The following TAFA2 variants were observed in gnomAD, a reference collection of about 807,000 sequenced individuals.
TAFA2 encodes the protein TAFA chemokine like family member 2.
TAFA2 carries 7 observed loss-of-function variants against 18.8 expected under a neutral mutation model. The ratio of observed to expected loss-of-function variants is 0.37; its 90% confidence interval spans 0.21 to 0.70. The LOEUF (loss-of-function observed/expected upper bound fraction) is 0.70, where lower values mean the gene tolerates loss of function less well. Ranked by LOEUF, TAFA2 falls within the 30% of genes least tolerant of loss-of-function variation. TAFA2 has a pLI of 0.53. For missense variants in TAFA2, 122 were observed against 158.1 expected, an observed-to-expected ratio of 0.77 and a Z score of 1.23; for synonymous variants, 60 against 54.2, an observed-to-expected ratio of 1.11 and a Z score of -0.47.
At chr12:62,185,495 GTCTGATAGCCATT>G (rs958658575) in intron 1 of TAFA2, among the ~76,000 whole-genome samples, 1 of 152,164 alleles carries the variant, frequency 6.6e-6, no homozygotes, top group Non-Finnish European at 1.5e-5. Context: ...CTACTGACTT[GTCTGATAGCCATT>G]TCTGAGAAAT....
intron 1 of TAFA2, among the ~76,000 whole-genome samples, chr12:62,148,054 CA>C (rs59238199): frequency 6.6e-6 from 1 of 151,370 alleles, no homozygotes. Context: ...ACTAAAAAGT[CA>C]AAAAAAAGCA....
At chr12:61,726,807 C>G (rs1870189949) in intron 4 of TAFA2, among the ~76,000 whole-genome samples, 1 of 151,970 alleles carries the variant, frequency 6.6e-6, no homozygotes, top group South Asian at 2.1e-4. Context: ...TGTTCCAGTT[C>G]TCAGGGGGAA....
intron 4 of TAFA2, among the ~76,000 whole-genome samples, chr12:61,726,835 C>G (rs1280353079): frequency 6.6e-6 from 1 of 152,038 alleles, no homozygotes; most frequent in Non-Finnish European, 1.5e-5. Context: ...TTCAACTCCT[C>G]CCTGTTCAGT....
intron 1 of TAFA2, among the ~76,000 whole-genome samples, chr12:61,965,734 A>C (rs1879044939): frequency 6.6e-6 from 1 of 151,948 alleles, no homozygotes; most frequent in Non-Finnish European, 1.5e-5. Context: ...CTGCTACTTG[A>C]CTAGTCATAA....
At chr12:61,849,084 T>C (rs1873531080) in intron 2 of TAFA2, among the ~76,000 whole-genome samples, 2 of 152,166 alleles carry the variant, frequency 1.3e-5, no homozygotes, top group South Asian at 4.1e-4. Flanking sequence ...CCTCAGGCGA[T>C]CCACCCTCCT....
intron 1 of TAFA2, among the ~76,000 whole-genome samples, chr12:62,106,860 G>C (rs532482047): frequency 7.6e-6 from 1 of 131,066 alleles, no homozygotes; most frequent in Admixed American, 8.5e-5. Flanking sequence ...GCAATAGAGC[G>C]TTCTGTTTTC....
chr12:61,897,813 CTTCCCAACAGT>C (rs1875918713), intron 1 of TAFA2, among the ~76,000 whole-genome samples: 1 of 152,176 alleles, frequency 6.6e-6, no homozygotes, highest in Non-Finnish European at 1.5e-5. Context: ...CCTATCATGC[CTTCCCAACAGT>C]TTCCCAGAGT....
At chr12:62,138,525 T>C (rs1028925041) in intron 1 of TAFA2, among the ~76,000 whole-genome samples, 1 of 152,228 alleles carries the variant, frequency 6.6e-6, no homozygotes, top group Non-Finnish European at 1.5e-5. Context: ...ACACAGTATG[T>C]GCACAATTAA....
intron 2 of TAFA2, among the ~76,000 whole-genome samples, chr12:61,825,224 G>T (rs1160310350): frequency 6.6e-6 from 1 of 152,110 alleles, no homozygotes; most frequent in Non-Finnish European, 1.5e-5. Context: ...AACTAGGCTG[G>T]AATGGAAAGG....
intron 1 of TAFA2, among the ~76,000 whole-genome samples, chr12:62,090,174 G>A (rs1051504619): frequency 2.0e-5 from 3 of 151,980 alleles, no homozygotes; most frequent in Admixed American, 6.6e-5. Context: ...ATTTCAACAT[G>A]ATTTTAAAGT....
intron 1 of TAFA2, among the ~76,000 whole-genome samples, chr12:62,226,435 G>A (rs758470911): frequency 6.6e-6 from 1 of 152,062 alleles, no homozygotes; most frequent in Non-Finnish European, 1.5e-5. Flanking sequence ...CTGACCTCAC[G>A]ATCCACCCTC....
intron 1 of TAFA2, among the ~76,000 whole-genome samples, chr12:61,906,562 T>G (rs574612821): frequency 2.3e-4 from 35 of 152,280 alleles, no homozygotes; most frequent in African/African-American, 8.2e-4. Flanking sequence ...AACAGACTAA[T>G]ACAGTAAATT....
intron 1 of TAFA2, among the ~76,000 whole-genome samples, chr12:61,953,378 C>A (rs1489239668): frequency 9.2e-5 from 14 of 152,048 alleles, no homozygotes; most frequent in Admixed American, 9.2e-4. Flanking sequence ...CAAGTAAATA[C>A]CAACTTCCAA....
intron 1 of TAFA2, among the ~76,000 whole-genome samples, chr12:62,089,041 CT>C (rs1868594503): frequency 1.3e-5 from 2 of 152,104 alleles, no homozygotes; most frequent in African/African-American, 4.8e-5. Flanking sequence ...AAAAAATCCT[CT>C]GAAGTTTGCT....
At chr12:62,094,697 T>C (rs1868869449) in intron 1 of TAFA2, among the ~76,000 whole-genome samples, 1 of 151,990 alleles carries the variant, frequency 6.6e-6, no homozygotes, top group African/African-American at 2.4e-5. Flanking sequence ...ATTCATTCCA[T>C]CTTTATAAGA....
intron 4 of TAFA2, among the ~76,000 whole-genome samples, chr12:61,749,139 G>T (rs576661365): frequency 6.6e-6 from 1 of 151,864 alleles, no homozygotes; most frequent in Non-Finnish European, 1.5e-5. Flanking sequence ...TGGGTGTGGT[G>T]GGGCATGCCA....
chr12:62,065,688 G>T (rs1279930042), intron 1 of TAFA2, among the ~76,000 whole-genome samples: 1 of 151,786 alleles, frequency 6.6e-6, no homozygotes, highest in East Asian at 1.9e-4. Context: ...AACTGTGTAT[G>T]CTGATAAAAA....
intron 4 of TAFA2, among the ~76,000 whole-genome samples, chr12:61,722,841 T>C (rs1364188455): frequency 6.6e-6 from 1 of 152,148 alleles, no homozygotes; most frequent in African/African-American, 2.4e-5. Flanking sequence ...AATAATGCCC[T>C]GACTTGTCTT....
At chr12:62,081,006 G>A (rs547103993) in intron 1 of TAFA2, among the ~76,000 whole-genome samples, 1 of 152,196 alleles carries the variant, frequency 6.6e-6, no homozygotes, top group Non-Finnish European at 1.5e-5. Flanking sequence ...CATTCTGCCT[G>A]ACACGGTGAA....
Sources: gnomAD v4.1 joint callset for allele counts (sites outside exome capture counted in the v4.1 genomes callset) on GRCh38, gnomAD v4.1.1 for gene constraint, MANE v1.5 for transcripts, NCBI Gene and HGNC (gene_info 2026-07-23, HGNC 2026-07-21) for gene names.